Variants in NEBL observed in about 807,000 individuals in gnomAD.
The protein encoded by NEBL is LIM and SH3 protein 2.
In NEBL, 122 loss-of-function variants were observed where a neutral mutation model predicts 140.2. The observed-to-expected ratio is 0.87, with a 90% CI of 0.75 to 1.01. NEBL has a LOEUF of 1.01. NEBL is among the 50% of genes least tolerant of loss of function. The pLI, the probability that NEBL is intolerant of heterozygous loss-of-function variation, is 0.00. For synonymous variants in NEBL, 436 were observed against 398.9 expected, an observed-to-expected ratio of 1.09 and a Z score of -1.11; for missense variants, 1,365 against 1,231.3, an observed-to-expected ratio of 1.11 and a Z score of -1.62.
intron 9 of NEBL, among the ~76,000 whole-genome samples, chr10:20,856,324 G>C (rs143554055): frequency 1.3e-5 from 2 of 152,144 alleles, no homozygotes; most frequent in Admixed American, 6.5e-5. Flanking sequence ...AAAGGTCAAC[G>C]TTCTTGAAAA....
intron 2 of NEBL, among the ~76,000 whole-genome samples, chr10:21,135,068 C>G (rs1222974020): frequency 1.3e-5 from 2 of 152,216 alleles, no homozygotes; most frequent in Admixed American, 6.5e-5. Context: ...CTTTCATTTC[C>G]TCTGGACACC....
At chr10:21,198,659 C>G (rs11012576) in intron 3 of NEBL, among the ~76,000 whole-genome samples, 14,856 of 152,116 alleles carry the variant, frequency 0.098, 759 homozygotes, top group African/African-American at 0.11. Context: ...CCATAAAGAG[C>G]CTCCCCATTG....
intron 3 of NEBL, among the ~76,000 whole-genome samples, chr10:21,243,298 C>CTTTTTTTTT (rs34974511): frequency 8.2e-6 from 1 of 122,582 alleles, no homozygotes. Context: ...ATTGAGCATT[C>CTTTTTTTTT]TTTTTTTTTT....
intron 3 of NEBL, among the ~76,000 whole-genome samples, chr10:21,202,035 G>A (rs374332250): frequency 6.6e-6 from 1 of 151,954 alleles, no homozygotes. Context: ...ATTTCCTATC[G>A]TGATACAACA....
At chr10:21,120,570 AC>A (rs1564518195) in intron 2 of NEBL, among the ~76,000 whole-genome samples, 1 of 148,214 alleles carries the variant, frequency 6.7e-6, no homozygotes. Context: ...GGCCATTCTT[AC>A]CTAGGTCACT....
intron 2 of NEBL, among the ~76,000 whole-genome samples, chr10:21,064,439 A>C (rs1407159796): frequency 6.6e-6 from 1 of 152,216 alleles, no homozygotes; most frequent in African/African-American, 2.4e-5. Context: ...AGGATGTGGA[A>C]AAAGAAAACT....
intron 4 of NEBL, among the ~76,000 whole-genome samples, chr10:20,952,413 G>A (rs942502785): frequency 1.5e-4 from 22 of 149,532 alleles, no homozygotes; most frequent in Non-Finnish European, 3.1e-4. Flanking sequence ...CTCCAGCCTG[G>A]GCAACAGCGT....
chr10:21,144,081 A>G (rs76315559), intron 2 of NEBL, among the ~76,000 whole-genome samples: 2,558 of 152,312 alleles, frequency 0.017, 73 homozygotes, highest in East Asian at 0.13. Flanking sequence ...TGGTCTCTGT[A>G]ATGAGAGGCA....
intron 1 of NEBL, among the ~76,000 whole-genome samples, chr10:21,265,929 T>G (rs570826740): frequency 2.6e-5 from 4 of 152,164 alleles, no homozygotes; most frequent in Non-Finnish European, 5.9e-5. Context: ...AGAACACACC[T>G]TGGAGTTATC....
intron 4 of NEBL, among the ~76,000 whole-genome samples, chr10:20,942,940 C>T (rs1834959242): frequency 6.6e-6 from 1 of 152,186 alleles, no homozygotes; most frequent in African/African-American, 2.4e-5. Flanking sequence ...CAGGAAACAA[C>T]AGGTGCTGGA....
intron 9 of NEBL, among the ~76,000 whole-genome samples, chr10:20,856,618 A>T (rs753406571): frequency 6.6e-6 from 1 of 152,138 alleles, no homozygotes; most frequent in Non-Finnish European, 1.5e-5. Flanking sequence ...GAGACACTCA[A>T]GGAATAGAGG....
intron 2 of NEBL, among the ~76,000 whole-genome samples, chr10:21,109,121 T>A (rs962817964): frequency 6.6e-6 from 1 of 152,154 alleles, no homozygotes; most frequent in African/African-American, 2.4e-5. Context: ...TTCAGTATGA[T>A]ATTGGCTGTG....
intron 3 of NEBL, among the ~76,000 whole-genome samples, chr10:21,205,782 T>TAAA (rs968784661): frequency 2.6e-4 from 40 of 152,068 alleles, no homozygotes; most frequent in Non-Finnish European, 4.7e-4. Context: ...AATTTTTACA[T>TAAA]AATAATAATA....
intron 4 of NEBL, among the ~76,000 whole-genome samples, chr10:20,920,316 G>A (rs535056765): frequency 3.9e-5 from 6 of 152,170 alleles, no homozygotes; most frequent in Middle Eastern, 3.4e-3. Context: ...CAGGGGTACT[G>A]GTAAAAAATA....
intron 2 of NEBL, among the ~76,000 whole-genome samples, chr10:21,089,228 G>A (rs1836793419): frequency 6.6e-6 from 1 of 152,168 alleles, no homozygotes; most frequent in Non-Finnish European, 1.5e-5. Flanking sequence ...AGGTCTGTGG[G>A]GTGACATGAG....
intron 7 of NEBL, among the ~76,000 whole-genome samples, chr10:20,864,164 A>C (rs1016790368): frequency 6.6e-6 from 1 of 152,214 alleles, no homozygotes; most frequent in African/African-American, 2.4e-5. Context: ...TTCATCATAT[A>C]GACAAATTCC....
intron 2 of NEBL, among the ~76,000 whole-genome samples, chr10:21,099,613 G>A (rs572553066): frequency 2.2e-4 from 33 of 152,232 alleles, no homozygotes; most frequent in East Asian, 1.9e-3. Flanking sequence ...ACAAAGGGCC[G>A]TAACTGCATT....
chr10:20,880,360 AAAAAG>A (rs373905298), intron 5 of NEBL, among the ~76,000 whole-genome samples: 2 of 152,174 alleles, frequency 1.3e-5, no homozygotes, highest in Non-Finnish European at 2.9e-5. Flanking sequence ...GCTCTGTGTC[AAAAAG>A]AAAAGAAAAG....
intron 26 of NEBL, among the ~76,000 whole-genome samples, chr10:20,799,092 C>A (rs1000830425): frequency 6.6e-6 from 1 of 152,132 alleles, no homozygotes; most frequent in African/African-American, 2.4e-5. Context: ...TGATAGCCTA[C>A]ACATTGGAAT....
Sources: allele counts gnomAD v4.1 joint callset (sites outside exome capture counted in the v4.1 genomes callset), GRCh38; gene constraint gnomAD v4.1.1; transcripts MANE v1.5; gene names NCBI Gene and HGNC (gene_info 2026-07-23, HGNC 2026-07-21).